Variants in ZNF518A observed in about 807,000 individuals in gnomAD.
ZNF518A encodes the protein zinc finger protein 518.
Under a neutral mutation model 102.7 loss-of-function variants are expected in ZNF518A, and 47 were observed. The ratio of observed to expected loss-of-function variants is 0.46; its 90% CI spans 0.36 to 0.58. ZNF518A has a LOEUF of 0.58. ZNF518A is among the 20% of genes least tolerant of loss of function. The pLI is 0.00. For missense variants in ZNF518A, 1,793 were observed against 1,699.8 expected, an observed-to-expected ratio of 1.05 and a Z score of -0.96; for synonymous variants, 652 against 594.6, an observed-to-expected ratio of 1.10 and a Z score of -1.40.
downstream of ZNF518A, among the ~76,000 whole-genome samples, chr10:96,167,462 A>T (rs2083148476): frequency 6.6e-6 from 1 of 152,238 alleles, no homozygotes; most frequent in South Asian, 2.1e-4. Context: ...AAAATAAATA[A>T]GTAAACCCAA....
Position 96,158,414 on chromosome 10 carries a change from G to C in ZNF518A, c.2092G>C (p.Ala698Pro). ...QESSKPDSLL[A>P]SISLLNDKDG... ...GAGCTCAAAACCAGATAGCCTATTA[G>C]CATCTATTAGCCTTTTAAATGATAA... is the stretch of plus-strand genomic sequence containing the variant. The change falls in exon 6 of 6, where the codon GCA (alanine) becomes CCA (proline). Residue 698 changes from alanine (A) to proline (P), a missense_variant. Coordinates refer to ENST00000316045, the MANE Select transcript of ZNF518A (RefSeq NM_001330736.2). The C allele has an allele frequency of 1.2e-6, 2 of 1,613,422 alleles. No individual in the cohort carries two copies. Among genetic ancestry groups the C allele is most frequent in the Non-Finnish European group, 1.7e-6 (2 of 1,179,726 alleles).
intron 1 of ZNF518A, among the ~76,000 whole-genome samples, chr10:96,173,479 T>A (rs1282605338): frequency 2.6e-5 from 4 of 152,270 alleles, no homozygotes; most frequent in African/African-American, 9.6e-5. Context: ...TACCATAGAC[T>A]GAGGGGATGA....
In ZNF518A at chr10:96,158,756, CATT is replaced by C; in HGVS notation, c.2435_2437del (p.His812_Cys813delinsArg). 6.2e-7 allele frequency: 1 copy of C among 1,613,302 alleles called. No individual in the cohort carries two copies. Among genetic ancestry groups the C allele is most frequent in the South Asian group, 1.1e-5 (1 of 90,996 alleles). On this transcript the variant is annotated inframe_deletion, in exon 6 of 6. Coordinates refer to ENST00000316045, the MANE Select transcript of ZNF518A (RefSeq NM_001330736.2). ...CACTCCAAATAAAGGCTTGCCACTT[CATT>C]GTGACCAGTCATTTCAAAAACACGA...
Position 96,142,305 on chromosome 10 carries a change from G to GGTGTGTGT in ZNF518A, c.-302+8700_-302+8707dup, listed in dbSNP as rs60624825. Among the ~76,000 whole-genome samples the GGTGTGTGT allele has an allele frequency of 8.1e-3, 842 of 104,066 alleles. 3 individuals are homozygous for GGTGTGTGT. The highest frequency in any genetic ancestry group is 0.015 in the Admixed American group (153 of 10,084). 68.3% of individuals were successfully genotyped at this position (104,066 alleles called of 152,430 possible). On this transcript the variant is annotated intron_variant, in intron 3 of 5. Coordinates refer to ENST00000316045, the MANE Select transcript of ZNF518A (RefSeq NM_001330736.2). ...TCTGCTTTGAAAGTAATATTCTTAG[G>GGTGTGTGT]GTGTGTGTGTGTGTGTGTGTGTGTG... is the stretch of plus-strand genomic sequence containing the variant.
At chr10:96,175,289 A>T (rs1470798807) in intron 1 of ZNF518A, among the ~76,000 whole-genome samples, 1 of 152,234 alleles carries the variant, frequency 6.6e-6, no homozygotes, top group African/African-American at 2.4e-5. Flanking sequence ...ACTGCAAGAC[A>T]TTAGTATCTG....
At position 96,158,800 on chromosome 10, in the gene ZNF518A, T is replaced by C; in HGVS notation, c.2478T>C (p.Ile826=). The change falls in exon 6 of 6, where the codon ATT becomes ATC. Residue 826 remains isoleucine (I), a synonymous_variant. Coordinates refer to ENST00000316045, the MANE Select transcript of ZNF518A (RefSeq NM_001330736.2). ...AAAAACACGAGAGAGAAGGCAAAAT[T>C]GTTGAATCTTCGAAAGATTTCAAAG... is the stretch of plus-strand genomic sequence containing the variant. ...SFQKHEREGK[I]VESSKDFKVQ... 1 of 1,613,736 alleles carries C rather than the reference T, an allele frequency of 6.2e-7. No individual in the cohort carries two copies. Among genetic ancestry groups the C allele is most frequent in the Non-Finnish European group, 8.5e-7 (1 of 1,179,708 alleles).
intron 1 of ZNF518A, chr10:96,191,955 G>A: frequency 1.9e-6 from 3 of 1,613,324 alleles, no homozygotes; most frequent in Non-Finnish European, 2.5e-6. Flanking sequence ...CAATGGTATT[G>A]ATCTTTTTTT....
At chr10:96,193,910 G>A (rs2083392440) in intron 1 of ZNF518A, among the ~76,000 whole-genome samples, 1 of 152,170 alleles carries the variant, frequency 6.6e-6, no homozygotes, top group African/African-American at 2.4e-5. Flanking sequence ...GATGTTCAGT[G>A]TATAGGGGAC....
intron 1 of ZNF518A, among the ~76,000 whole-genome samples, chr10:96,187,027 A>G (rs2083275862): frequency 1.3e-5 from 2 of 152,236 alleles, no homozygotes; most frequent in Admixed American, 1.3e-4. Context: ...GTTTCTGTGT[A>G]TATACATAAA....
intron 3 of ZNF518A, among the ~76,000 whole-genome samples, chr10:96,147,957 T>G (rs782795230): frequency 6.6e-6 from 1 of 152,188 alleles, no homozygotes; most frequent in Non-Finnish European, 1.5e-5. Context: ...TTACCTTGTT[T>G]CTCCTATTTT....
chr10:96,140,778 AAG>A (rs1206742972), intron 3 of ZNF518A, among the ~76,000 whole-genome samples: 48 of 144,778 alleles, frequency 3.3e-4, no homozygotes, highest in East Asian at 7.5e-4. Context: ...AAAAAAAAAA[AAG>A]AATTGGAAAA....
intron 3 of ZNF518A, among the ~76,000 whole-genome samples, chr10:96,137,622 A>T (rs1554875012): frequency 1.3e-5 from 2 of 151,572 alleles, no homozygotes; most frequent in African/African-American, 4.9e-5. Flanking sequence ...ATTTACCTTA[A>T]CTCTTATTGG....
At chr10:96,199,031 G>A (rs1055643077) in intron 1 of ZNF518A, among the ~76,000 whole-genome samples, 1 of 152,096 alleles carries the variant, frequency 6.6e-6, no homozygotes, top group African/African-American at 2.4e-5. Context: ...AGGAACTCAG[G>A]GAATAATGTA....
chr10:96,158,559 A>C lies in ZNF518A; in HGVS notation c.2237A>C (p.Glu746Ala), dbSNP rs781971424. 16 of 1,613,014 alleles carry C rather than the reference A, an allele frequency of 9.9e-6. No homozygotes were observed. Among genetic ancestry groups the C allele is most frequent in the Admixed American group, 1.7e-5 (1 of 59,840 alleles). ...NENQNLECAT[E>A]KSKWEDFSNV... ...AATCAAAATTTAGAGTGTGCGACTG[A>C]AAAATCTAAATGGGAAGACTTTTCT... The change falls in exon 6 of 6, where the codon GAA becomes GCA. Residue 746 changes from glutamate to alanine, a missense_variant. Around this residue, in one of 3 missense-constraint regions of ZNF518A, gnomAD observed 1,741 missense variants for 1,622.6 expected, o/e 1.07. Transcript: ENST00000316045.
chr10:96,190,113 A>G, intron 1 of ZNF518A: 1 of 988,452 alleles, frequency 1.0e-6, no homozygotes, highest in Non-Finnish European at 1.6e-6. Context: ...GCTCATTTTC[A>G]TCATTATCCA....
intron 3 of ZNF518A, among the ~76,000 whole-genome samples, chr10:96,134,236 G>GTT (rs1554873516): frequency 6.6e-6 from 1 of 151,990 alleles, no homozygotes; most frequent in African/African-American, 2.4e-5. Flanking sequence ...GTTTTGTTTT[G>GTT]TTTTGTTTTT....
At chr10:96,175,849 C>T (rs1408825759) in intron 1 of ZNF518A, among the ~76,000 whole-genome samples, 1 of 151,782 alleles carries the variant, frequency 6.6e-6, no homozygotes, top group South Asian at 2.1e-4. Flanking sequence ...AGCTGAATTA[C>T]AAGTATTCCC....
At chr10:96,149,105 A>G (rs1256195541) in intron 3 of ZNF518A, among the ~76,000 whole-genome samples, 2 of 152,242 alleles carry the variant, frequency 1.3e-5, no homozygotes, top group East Asian at 3.8e-4. Flanking sequence ...AATTTTAAAA[A>G]TGAAGACATA....
intron 3 of ZNF518A, among the ~76,000 whole-genome samples, chr10:96,151,836 A>G (rs1554880457): frequency 6.6e-6 from 1 of 152,138 alleles, no homozygotes; most frequent in Non-Finnish European, 1.5e-5. Flanking sequence ...GGTTGTTTCA[A>G]TGGGCAGTTA....
Sources: gnomAD v4.1 joint callset for allele counts (sites outside exome capture counted in the v4.1 genomes callset) on GRCh38, gnomAD v4.1.1 for gene constraint, gnomAD v4.1.1 regional missense constraint, MANE v1.5 for transcripts, NCBI Gene and HGNC (gene_info 2026-07-23, HGNC 2026-07-21) for gene names.